CBFA2T2: variants seen among roughly 807,000 people sequenced by gnomAD.
CBFA2T2 encodes CBFA2/RUNX1 partner transcriptional co-repressor 2.
A neutral mutation model predicts 62.2 loss-of-function variants in CBFA2T2; 11 were observed. The ratio of observed to expected loss-of-function variants is 0.18; its 90% CI spans 0.11 to 0.29. CBFA2T2 has a LOEUF of 0.29. CBFA2T2 is among the 10% of genes least tolerant of loss of function. CBFA2T2 has a pLI of 1.00. For missense variants in CBFA2T2, 592 were observed against 774.1 expected (o/e 0.76, Z 2.79); for synonymous variants, 295 against 287.5 (o/e 1.03, Z -0.27).
chr20:33,514,709 A>G (rs1390306425), intron 1 of CBFA2T2, among the ~76,000 whole-genome samples: 1 of 151,504 alleles, frequency 6.6e-6, no homozygotes, highest in Non-Finnish European at 1.5e-5. Flanking sequence ...TATTATTATT[A>G]TTTTTAAAGA....
chr20:33,577,104 A>C (rs1200977446), intron 1 of CBFA2T2, among the ~76,000 whole-genome samples: 1 of 152,206 alleles, frequency 6.6e-6, no homozygotes, highest in Non-Finnish European at 1.5e-5. Flanking sequence ...TCCATCTTTC[A>C]GTCTATTTGG....
At chr20:33,532,840 A>G (rs1248827408) in intron 1 of CBFA2T2, among the ~76,000 whole-genome samples, 2 of 152,210 alleles carry the variant, frequency 1.3e-5, no homozygotes, top group Admixed American at 6.5e-5. Context: ...TAAATGAGCT[A>G]TTGTGCTGCC....
intron 1 of CBFA2T2, among the ~76,000 whole-genome samples, chr20:33,553,586 C>T (rs1233624776): frequency 6.6e-6 from 1 of 152,178 alleles, no homozygotes; most frequent in Non-Finnish European, 1.5e-5. Flanking sequence ...CTTTGTGGGC[C>T]ACACGATCTC....
At chr20:33,570,983 A>G (rs1003923034) in intron 1 of CBFA2T2, among the ~76,000 whole-genome samples, 1 of 152,204 alleles carries the variant, frequency 6.6e-6, no homozygotes, top group African/African-American at 2.4e-5. Flanking sequence ...CTTCTCACTT[A>G]CCTTTCCCCA....
At chr20:33,639,196 C>G (rs1045539046) in intron 9 of CBFA2T2, 1 of 152,246 alleles carries the variant, frequency 6.6e-6, no homozygotes, top group Non-Finnish European at 1.5e-5. Flanking sequence ...TCTATCAGTT[C>G]AATCATTGCA....
At chr20:33,534,751 CTTTTTTT>C (rs11167206) in intron 1 of CBFA2T2, among the ~76,000 whole-genome samples, 4 of 92,956 alleles carry the variant, frequency 4.3e-5, no homozygotes, top group African/African-American at 1.7e-4. Flanking sequence ...ATCTTTTTAG[CTTTTTTT>C]TTTTTTTTTT....
chr20:33,589,691 A>G (rs1475239876), intron 1 of CBFA2T2, among the ~76,000 whole-genome samples: 1 of 152,212 alleles, frequency 6.6e-6, no homozygotes, highest in East Asian at 1.9e-4. Context: ...CCCCACTATC[A>G]GAGAGCTAAC....
At chr20:33,624,031 G>T (rs2016114040) in intron 5 of CBFA2T2, 4 of 536,852 alleles carry the variant, frequency 7.5e-6, no homozygotes, top group Admixed American at 3.6e-5. Context: ...TATGTCAAAC[G>T]CATTTTTTTC....
intron 1 of CBFA2T2, among the ~76,000 whole-genome samples, chr20:33,596,231 A>T (rs947522840): frequency 6.6e-6 from 1 of 151,718 alleles, no homozygotes; most frequent in Non-Finnish European, 1.5e-5. Context: ...TAGCCACTGT[A>T]TCTGTCTCAG....
rs778133366 is a variant in CBFA2T2 at position 33,494,241 on chromosome 20, G to GTATATATATATA, written c.34+3941_34+3942insATATATATATAT. Among the ~76,000 whole-genome samples, 44 of 41,894 alleles carry GTATATATATATA rather than the reference G, an allele frequency of 1.1e-3. 2 individuals are homozygous for GTATATATATATA. The highest frequency in any genetic ancestry group is 1.7e-3 in the Non-Finnish European group (42 of 24,102). 27.5% of individuals were successfully genotyped at this position (41,894 alleles called of 152,430 possible). ...TGTACTATGTATTAGGCATATATAT[G>GTATATATATATA]TGTATATATATATATATATATATAT... On this transcript the variant is annotated intron_variant, in intron 1 of 10. Coordinates refer to ENST00000342704, the MANE Select transcript of CBFA2T2 (RefSeq NM_001032999.3).
intron 1 of CBFA2T2, among the ~76,000 whole-genome samples, chr20:33,576,305 A>G (rs1406486029): frequency 6.6e-6 from 1 of 152,152 alleles, no homozygotes; most frequent in African/African-American, 2.4e-5. Context: ...TCATCTTAAT[A>G]TAAAAGTAGA....
At position 33,644,400 on chromosome 20, in the gene CBFA2T2, C is replaced by G. The variant is rs766207717; in HGVS notation, c.1542C>G (p.Ile514Met). 4 of 1,614,210 alleles carry G rather than the reference C, an allele frequency of 2.5e-6. No homozygotes were observed. Among genetic ancestry groups the G allele is most frequent in the Non-Finnish European group, 3.4e-6 (4 of 1,180,012 alleles). Residue 514 changes from isoleucine (I) to methionine (M), a missense_variant, in exon 11 of 11, where the codon ATC (isoleucine) becomes ATG (methionine). Transcript: ENST00000342704. ...GCGAGACATGCAGTGGCTGCAATAT[C>G]GCGCGATACTGTGGCTCTTTCTGCC... Reference protein sequence around the residue: ...KASETCSGCNIARYCGSFCQH... With the variant: ...KASETCSGCNMARYCGSFCQH...
intron 8 of CBFA2T2, among the ~76,000 whole-genome samples, chr20:33,631,469 C>T (rs1452632583): frequency 6.6e-6 from 1 of 152,222 alleles, no homozygotes; most frequent in Non-Finnish European, 1.5e-5. Context: ...CCTCATTCAT[C>T]AGTGAGTCCA....
chr20:33,576,266 T>C (rs905794499), intron 1 of CBFA2T2, among the ~76,000 whole-genome samples: 1 of 152,122 alleles, frequency 6.6e-6, no homozygotes, highest in Non-Finnish European at 1.5e-5. Context: ...TTTATAGGCT[T>C]TCTGCCTCCT....
At chr20:33,496,414 T>C (rs1331110816) in intron 1 of CBFA2T2, among the ~76,000 whole-genome samples, 1 of 152,256 alleles carries the variant, frequency 6.6e-6, no homozygotes, top group Non-Finnish European at 1.5e-5. Context: ...TCTGCCTTCT[T>C]AGTTATCTAA....
intron 1 of CBFA2T2, among the ~76,000 whole-genome samples, chr20:33,583,389 T>C (rs2014205730): frequency 6.6e-6 from 1 of 152,270 alleles, no homozygotes. Flanking sequence ...ATTTTCTTTA[T>C]CTGGGTAGAC....
intron 1 of CBFA2T2, among the ~76,000 whole-genome samples, chr20:33,593,248 C>T (rs1404013899): frequency 6.6e-6 from 1 of 152,070 alleles, no homozygotes; most frequent in African/African-American, 2.4e-5. Flanking sequence ...AGGAGAATTG[C>T]TTGAACCCAG....
At chr20:33,558,823 T>TGGGGG (rs141381907) in intron 1 of CBFA2T2, among the ~76,000 whole-genome samples, 1 of 150,916 alleles carries the variant, frequency 6.6e-6, no homozygotes, top group African/African-American at 2.5e-5. Flanking sequence ...GCCAACTGTT[T>TGGGGG]GGGGGGGCGG....
intron 1 of CBFA2T2, among the ~76,000 whole-genome samples, chr20:33,519,882 C>A (rs540893585): frequency 2.0e-4 from 30 of 152,222 alleles, no homozygotes; most frequent in African/African-American, 6.7e-4. Context: ...CACGGTGGCT[C>A]ACGCCTGTAA....
Sources: gnomAD v4.1 joint callset for allele counts (sites outside exome capture counted in the v4.1 genomes callset) on GRCh38, gnomAD v4.1.1 for gene constraint, MANE v1.5 for transcripts, NCBI Gene and HGNC (gene_info 2026-07-23, HGNC 2026-07-21) for gene names.